The following DDX4 variants were observed in gnomAD, a reference collection of about 807,000 sequenced individuals.
The protein encoded by DDX4 is probable ATP-dependent RNA helicase DDX4.
In DDX4, 25 loss-of-function variants were observed where a neutral mutation model predicts 100.0. The ratio of observed to expected loss-of-function variants is 0.25; its 90% CI spans 0.18 to 0.35. The LOEUF (loss-of-function observed/expected upper bound fraction) is 0.35, where lower values mean the gene tolerates loss of function less well. Ranked by LOEUF, DDX4 falls within the 10% of genes least tolerant of loss-of-function variation. The probability of loss-of-function intolerance (pLI) is 1.00; values close to 1 mark genes in which losing one functional copy is unlikely to be tolerated. For missense variants in DDX4, 635 were observed against 882.4 expected (o/e 0.72, Z 3.55); for synonymous variants, 259 against 275.7 (o/e 0.94, Z 0.60).
intron 3 of DDX4, among the ~76,000 whole-genome samples, chr5:55,749,449 T>G (rs1163074812): frequency 6.6e-6 from 1 of 152,222 alleles, no homozygotes; most frequent in Non-Finnish European, 1.5e-5. Context: ...AAAATTCTGC[T>G]GAACCTTGCC....
intron 7 of DDX4, among the ~76,000 whole-genome samples, chr5:55,771,648 T>C (rs568098286): frequency 1.3e-5 from 2 of 152,340 alleles, no homozygotes; most frequent in East Asian, 3.9e-4. Flanking sequence ...TATTGTCAAA[T>C]GTTTTCAGCG....
intron 2 of DDX4, among the ~76,000 whole-genome samples, chr5:55,739,637 C>T (rs984401226): frequency 3.2e-4 from 48 of 152,238 alleles, no homozygotes; most frequent in African/African-American, 1.1e-3. Flanking sequence ...GTGTTACTTA[C>T]TATATGGTGT....
intron 3 of DDX4, among the ~76,000 whole-genome samples, chr5:55,750,032 A>T (rs1369758909): frequency 2.0e-5 from 3 of 151,910 alleles, no homozygotes; most frequent in African/African-American, 7.3e-5. Flanking sequence ...TCAGCAATAG[A>T]TTTGGAATCT....
chr5:55,810,204 A>C (rs1255866998), intron 18 of DDX4, among the ~76,000 whole-genome samples: 2 of 151,940 alleles, frequency 1.3e-5, no homozygotes, highest in African/African-American at 4.8e-5. Flanking sequence ...TCCTGGGTTC[A>C]AGCGATTCTC....
At chr5:55,758,562 C>T (rs1760084795) in intron 3 of DDX4, among the ~76,000 whole-genome samples, 1 of 152,010 alleles carries the variant, frequency 6.6e-6, no homozygotes, top group South Asian at 2.1e-4. Context: ...GATTTAACTT[C>T]TGTAGGAGAG....
chr5:55,790,799 A>C (rs1456237412), intron 16 of DDX4, 94 bp downstream of exon 16: 1 of 1,102,944 alleles, frequency 9.1e-7, no homozygotes, highest in African/African-American at 1.6e-5. Context: ...TGTATTTAGT[A>C]GAGCACTATT....
chr5:55,788,140 G>A, intron 15 of DDX4, 140 bp downstream of exon 15: 1 of 774,130 alleles, frequency 1.3e-6, no homozygotes, highest in Non-Finnish European at 1.9e-6. Context: ...TCTTGTTTAT[G>A]GAATCCTTTT....
At chr5:55,795,893 C>T (rs186378146) in intron 17 of DDX4, among the ~76,000 whole-genome samples, 56 of 152,246 alleles carry the variant, frequency 3.7e-4, no homozygotes, top group Admixed American at 2.2e-3. Context: ...GGTGAAGTCC[C>T]ATGATAGGCT....
intron 6 of DDX4, 26 bp from the exon 7 acceptor site, chr5:55,767,855 A>G (rs1741020556): frequency 6.3e-7 from 1 of 1,585,350 alleles, no homozygotes; most frequent in Non-Finnish European, 8.7e-7. Flanking sequence ...ATTAAATGCT[A>G]TTTACATGTT....
At position 55,816,576 on chromosome 5, in the gene DDX4, A is replaced by G. The variant is rs1343432183; in HGVS notation, c.*36A>G. The G allele has an allele frequency of 6.2e-7, 1 of 1,600,282 alleles. No individual in the cohort carries two copies. Among genetic ancestry groups the G allele is most frequent in the Non-Finnish European group, 8.5e-7 (1 of 1,174,052 alleles). The stretch of plus-strand genomic sequence containing the variant: ...TCCTTCAAGTCTGTGGTTTTGATGC[A>G]GAGAAGAAAATAGTTTTGATTTTTG... On this transcript the variant is annotated 3_prime_UTR_variant, in exon 22 of 22. Transcript: ENST00000505374.
chr5:55,783,463 G>A (rs1335162376), intron 10 of DDX4, among the ~76,000 whole-genome samples: 3 of 151,974 alleles, frequency 2.0e-5, no homozygotes, highest in African/African-American at 7.3e-5. Context: ...CAGATTACTC[G>A]TTATCTAAAA....
intron 4 of DDX4, among the ~76,000 whole-genome samples, chr5:55,760,650 A>G (rs1269999783): frequency 6.6e-6 from 1 of 152,088 alleles, no homozygotes; most frequent in Non-Finnish European, 1.5e-5. Context: ...TGAATTTTAT[A>G]TTTTTCAAGA....
intron 17 of DDX4, among the ~76,000 whole-genome samples, chr5:55,794,504 A>G (rs1456987989): frequency 6.6e-6 from 1 of 151,776 alleles, no homozygotes; most frequent in Non-Finnish European, 1.5e-5. Context: ...CCAGCCCTAT[A>G]TAGTATTTTC....
intron 3 of DDX4, 81 bp downstream of exon 3, chr5:55,746,302 C>T: frequency 7.8e-7 from 1 of 1,276,078 alleles, no homozygotes; most frequent in Non-Finnish European, 1.1e-6. Flanking sequence ...GACTAGTAGA[C>T]ATCTTGTAGA....
rs186890536 is a variant in DDX4, at chr5:55,793,578, C to G, written c.1469+771C>G. Reference sequence around the variant, plus strand: ...ACTGCGTTCTCTTTGGGAACCAAGACGTCAAAACCTGTAGAACATAAAGTT... The same window carrying G: ...ACTGCGTTCTCTTTGGGAACCAAGAGGTCAAAACCTGTAGAACATAAAGTT... On this transcript the variant is annotated intron_variant, in intron 17 of 21. Coordinates refer to ENST00000505374, the MANE Select transcript of DDX4 (RefSeq NM_024415.3). Among the ~76,000 whole-genome samples the G allele has an allele frequency of 1.7e-4, 26 of 152,276 alleles. 1 individual carries two copies. The highest frequency in any genetic ancestry group is 1.4e-3 in the Admixed American group (21 of 15,282).
chr5:55,816,733 G>A lies in DDX4; in HGVS notation c.*193G>A, dbSNP rs1182159915. On this transcript the variant is annotated 3_prime_UTR_variant, in exon 22 of 22. Transcript: ENST00000505374. ...TAAAACTTACAACATTGCAGTTACT[G>A]ATACAAATGGTGTTAACTGGGAATA... 2 of 903,762 alleles carry A rather than the reference G, an allele frequency of 2.2e-6. No individual in the cohort carries two copies. Among genetic ancestry groups the A allele is most frequent in the Non-Finnish European group, 3.1e-6 (2 of 640,056 alleles). 56.0% of individuals were successfully genotyped at this position (903,762 alleles called of 1,614,324 possible). A position where few individuals can be genotyped will look rare whatever the true frequency, so the allele number is the denominator to read the frequency against.
intron 10 of DDX4, among the ~76,000 whole-genome samples, chr5:55,784,789 C>T (rs758369677): frequency 6.6e-6 from 1 of 152,186 alleles, no homozygotes; most frequent in African/African-American, 2.4e-5. Flanking sequence ...TGTGTTGTCA[C>T]AGCTCATTGC....
At chr5:55,743,880 A>G (rs1759112484) in intron 2 of DDX4, among the ~76,000 whole-genome samples, 1 of 150,356 alleles carries the variant, frequency 6.7e-6, no homozygotes, top group Non-Finnish European at 1.5e-5. Context: ...TCTTTAGTGT[A>G]AGAGTGTTTT....
At chr5:55,770,497 A>G (rs1183392785) in intron 7 of DDX4, among the ~76,000 whole-genome samples, 2 of 152,358 alleles carry the variant, frequency 1.3e-5, no homozygotes, top group African/African-American at 4.8e-5. Context: ...TAGCAATGAC[A>G]ACAAAACGTA....
Sources: gnomAD v4.1 joint callset for allele counts (sites outside exome capture counted in the v4.1 genomes callset) on GRCh38, gnomAD v4.1.1 for gene constraint, MANE v1.5 for transcripts, NCBI Gene and HGNC (gene_info 2026-07-23, HGNC 2026-07-21) for gene names.